CASQ2: variants seen among roughly 807,000 people sequenced by gnomAD.
CASQ2 encodes calsequestrin 2.
In CASQ2, 49 loss-of-function variants were observed where a neutral mutation model predicts 46.5. The observed-to-expected ratio is 1.05, with a 90% CI of 0.84 to 1.34. CASQ2 has a LOEUF of 1.34. Among genes scored for constraint, CASQ2 ranks in the 40% most tolerant of loss-of-function variants. The pLI is 0.00. For synonymous variants in CASQ2, 174 were observed against 168.5 expected (o/e 1.03, Z -0.25); for missense variants, 486 against 481.3 (o/e 1.01, Z -0.09).
intron 1 of CASQ2, among the ~76,000 whole-genome samples, chr1:115,761,439 A>AAGAAGAAGAAGAAGAAGAAG (rs796782557): frequency 5.4e-4 from 3 of 5,542 alleles, no homozygotes; most frequent in Admixed American, 2.1e-3. Context: ...GAAGAAGAAG[A>AAGAAGAAGAAGAAGAAGAAG]AAGAAGAAGA....
chr1:115,712,294 C>A (rs987597103), intron 8 of CASQ2, among the ~76,000 whole-genome samples: 1 of 152,164 alleles, frequency 6.6e-6, no homozygotes, highest in African/African-American at 2.4e-5. Flanking sequence ...CATGTGAATA[C>A]GCTACCACTC....
chr1:115,742,724 G>A (rs2101097853), intron 2 of CASQ2, among the ~76,000 whole-genome samples: 1 of 152,318 alleles, frequency 6.6e-6, no homozygotes, highest in East Asian at 1.9e-4. Flanking sequence ...GAAGGCAGAA[G>A]AAGAATCAAG....
At chr1:115,725,471 A>T (rs547360790) in intron 7 of CASQ2, 37 bp downstream of exon 7, 24 of 1,609,442 alleles carry the variant, frequency 1.5e-5, no homozygotes, top group Non-Finnish European at 2.0e-5. Flanking sequence ...GACTATACTC[A>T]TCTCTACAAG....
intron 5 of CASQ2, among the ~76,000 whole-genome samples, chr1:115,731,177 A>G (rs56120229): frequency 1.4e-4 from 22 of 152,216 alleles, no homozygotes; most frequent in African/African-American, 5.3e-4. Flanking sequence ...ATTTGAATAA[A>G]GCATCTCTCT....
In CASQ2 at chr1:115,717,821, C is replaced by T. The variant is rs1350031922; in HGVS notation, c.838+19G>A. 2 of 1,573,940 alleles carry T rather than the reference C, an allele frequency of 1.3e-6. No individual in the cohort carries two copies. Among genetic ancestry groups the T allele is most frequent in the South Asian group, 1.1e-5 (1 of 90,290 alleles). On this transcript the variant is annotated intron_variant, in intron 8 of 10. Coordinates refer to ENST00000261448, the MANE Select transcript of CASQ2 (RefSeq NM_001232.4). ...AGTTCTTGCTAGAGCTGTAAAAGAGCAGGTTGAAGGTTTCCTACCTGGATC... is the reference window on the plus strand; with the variant it reads ...AGTTCTTGCTAGAGCTGTAAAAGAGTAGGTTGAAGGTTTCCTACCTGGATC...
chr1:115,763,744 G>T (rs1216595662), intron 1 of CASQ2, among the ~76,000 whole-genome samples: 2 of 152,188 alleles, frequency 1.3e-5, no homozygotes, highest in Non-Finnish European at 2.9e-5. Flanking sequence ...GTTAGAGCAT[G>T]CCATCTCTCA....
intron 1 of CASQ2, among the ~76,000 whole-genome samples, chr1:115,749,518 A>T (rs997129450): frequency 2.3e-4 from 35 of 152,130 alleles, no homozygotes; most frequent in African/African-American, 7.5e-4. Flanking sequence ...CCTAACTGAG[A>T]CTTTCCCACC....
chr1:115,763,432 T>C (rs1317814230), intron 1 of CASQ2, among the ~76,000 whole-genome samples: 1 of 150,872 alleles, frequency 6.6e-6, no homozygotes, highest in Non-Finnish European at 1.5e-5. Context: ...AGAGGAGGAG[T>C]GAATAAGCAA....
intron 4 of CASQ2, among the ~76,000 whole-genome samples, chr1:115,736,588 G>A (rs2101090132): frequency 6.6e-6 from 1 of 152,190 alleles, no homozygotes. Flanking sequence ...AGTGAGCCAA[G>A]ATCATGCCAC....
intron 3 of CASQ2, among the ~76,000 whole-genome samples, 178 bp downstream of exon 3, chr1:115,740,550 C>G (rs1648139738): frequency 6.6e-6 from 1 of 152,152 alleles, no homozygotes; most frequent in Non-Finnish European, 1.5e-5. Context: ...TTAAAGATCA[C>G]TTTCCCAGTA....
Position 115,768,566 on chromosome 1 carries a change from C to A in CASQ2, c.-25G>T. 1 of 1,457,450 alleles carries A rather than the reference C, an allele frequency of 6.9e-7. No individual in the cohort carries two copies. The highest frequency in any genetic ancestry group is 1.1e-5 in the South Asian group (1 of 87,226). The allele number at this position is 1,457,450 out of a possible 1,614,324, so 90.3% of individuals were successfully genotyped here. ...TTTGGGAAAACTTTTGTTTCTCGTT[C>A]CCAAATATGCTGTGTGCAGAATAGA... is the stretch of plus-strand genomic sequence containing the variant. On this transcript the variant is annotated 5_prime_UTR_variant, in exon 1 of 11. Transcript: ENST00000261448.
At chr1:115,717,470 T>G (rs1654740742) in intron 8 of CASQ2, among the ~76,000 whole-genome samples, 1 of 152,194 alleles carries the variant, frequency 6.6e-6, no homozygotes, top group African/African-American at 2.4e-5. Flanking sequence ...TTAAAAACCC[T>G]TGCCCAGAAC....
intron 8 of CASQ2, among the ~76,000 whole-genome samples, chr1:115,710,590 G>T (rs1654513482): frequency 6.6e-6 from 1 of 152,194 alleles, no homozygotes; most frequent in African/African-American, 2.4e-5. Context: ...TCCCAGGGCT[G>T]GCGGGCTGGC....
intron 10 of CASQ2, among the ~76,000 whole-genome samples, chr1:115,702,705 G>A (rs1410781567): frequency 6.6e-6 from 1 of 152,222 alleles, no homozygotes; most frequent in African/African-American, 2.4e-5. Context: ...GGCCCCATAG[G>A]CAAGAAAATG....
At chr1:115,766,101 G>A (rs961912701) in intron 1 of CASQ2, among the ~76,000 whole-genome samples, 2 of 152,162 alleles carry the variant, frequency 1.3e-5, no homozygotes, top group African/African-American at 4.8e-5. Flanking sequence ...ACTTTTGCAT[G>A]AGCAGCGCCT....
chr1:115,736,660 C>T (rs1442249656), intron 4 of CASQ2, among the ~76,000 whole-genome samples: 2 of 152,056 alleles, frequency 1.3e-5, no homozygotes, highest in Non-Finnish European at 2.9e-5. Context: ...ATTCTTGAGG[C>T]AAGCATAAGA....
chr1:115,715,621 T>G (rs1381963563), intron 8 of CASQ2, among the ~76,000 whole-genome samples: 1 of 152,234 alleles, frequency 6.6e-6, no homozygotes, highest in Admixed American at 6.5e-5. Flanking sequence ...TGATTATGTT[T>G]GCACAACTTT....
intron 3 of CASQ2, among the ~76,000 whole-genome samples, chr1:115,739,007 T>A (rs1400261420): frequency 6.7e-6 from 1 of 150,234 alleles, no homozygotes; most frequent in Non-Finnish European, 1.5e-5. Flanking sequence ...TTATTTCACT[T>A]AACATAATGT....
intron 9 of CASQ2, among the ~76,000 whole-genome samples, chr1:115,704,429 A>C (rs12734646): frequency 6.6e-6 from 1 of 152,038 alleles, no homozygotes; most frequent in Non-Finnish European, 1.5e-5. Context: ...AGGGATTATA[A>C]TAGTACCTAC....
Sources: allele counts gnomAD v4.1 joint callset (sites outside exome capture counted in the v4.1 genomes callset), GRCh38; gene constraint gnomAD v4.1.1; transcripts MANE v1.5; gene names NCBI Gene and HGNC (gene_info 2026-07-23, HGNC 2026-07-21).